Variants in HMBOX1 observed in about 807,000 individuals in gnomAD.
HMBOX1 encodes the protein homeobox-containing protein 1.
A neutral mutation model predicts 54.5 loss-of-function variants in HMBOX1; 14 were observed. The observed-to-expected ratio is 0.26, with a 90% CI of 0.17 to 0.40. The LOEUF is 0.40. Among genes scored for constraint, HMBOX1 ranks in the 10% least tolerant of loss-of-function variants. HMBOX1 has a pLI of 1.00. For synonymous variants in HMBOX1, 160 were observed against 181.0 expected, an observed-to-expected ratio of 0.88 and a Z score of 0.93; for missense variants, 332 against 514.4, an observed-to-expected ratio of 0.65 and a Z score of 3.43.
In HMBOX1 at chr8:28,981,095, C is replaced by T. The variant is rs149134325; in HGVS notation, c.586+939C>T. On this transcript the variant is annotated intron_variant, in intron 4 of 9. Transcript: ENST00000287701. ...TATTTCTGTTCTCCAGACCATGATA[C>T]ATACTGAAGCTAATTTACCTAAAAG... Among the ~76,000 whole-genome samples the T allele has an allele frequency of 2.6e-5, 4 of 152,270 alleles. No individual in the cohort carries two copies. In the East Asian group the frequency reaches 7.7e-4, roughly 29 times the overall value.
In HMBOX1 at chr8:28,941,287, T is replaced by C. The variant is rs73556611; in HGVS notation, c.-57-22524T>C. Among the ~76,000 whole-genome samples the C allele has an allele frequency of 2.4e-3, 363 of 152,310 alleles. 2 individuals carry two copies. The highest frequency in any genetic ancestry group is 8.2e-3 in the African/African-American group (341 of 41,570). ...GAAAACATCAGTTAGATAAATTGAA[T>C]TGAAATAAATACTTTATTGTATTTT... On this transcript the variant is annotated intron_variant, in intron 1 of 9. Transcript: ENST00000287701.
intron 1 of HMBOX1, among the ~76,000 whole-genome samples, chr8:28,950,158 T>TA (rs1293514325): frequency 6.6e-6 from 1 of 152,226 alleles, no homozygotes; most frequent in Non-Finnish European, 1.5e-5. Flanking sequence ...ACCCAGGAGA[T>TA]ATGGCATTGC....
intron 4 of HMBOX1, among the ~76,000 whole-genome samples, chr8:29,005,471 A>G (rs1033026214): frequency 3.3e-5 from 5 of 152,182 alleles, no homozygotes; most frequent in East Asian, 1.9e-4. Context: ...TCATAAAAAT[A>G]TATCTTTTCA....
intron 6 of HMBOX1, 27 bp from the exon 7 acceptor site, chr8:29,045,334 T>C: frequency 6.3e-7 from 1 of 1,576,530 alleles, no homozygotes; most frequent in Non-Finnish European, 8.7e-7. Context: ...AATAAAAACT[T>C]TGTGTCTGTA....
chr8:29,021,808 C>T (rs1454071873), intron 6 of HMBOX1, among the ~76,000 whole-genome samples: 1 of 146,826 alleles, frequency 6.8e-6, no homozygotes, highest in East Asian at 2.0e-4. Context: ...TGCGGTGAGC[C>T]GAGATCGTGC....
intron 1 of HMBOX1, among the ~76,000 whole-genome samples, chr8:28,952,348 C>G (rs1823610206): frequency 6.6e-6 from 1 of 152,094 alleles, no homozygotes; most frequent in South Asian, 2.1e-4. Flanking sequence ...ATCCTCCTGC[C>G]TCAGCCTCCC....
At chr8:28,932,657 C>T (rs752030149) in intron 1 of HMBOX1, among the ~76,000 whole-genome samples, 1 of 152,214 alleles carries the variant, frequency 6.6e-6, no homozygotes, top group African/African-American at 2.4e-5. Flanking sequence ...TATTTGTAGA[C>T]TGACTAACCA....
At chr8:28,895,473 G>A (rs988055491) in intron 1 of HMBOX1, among the ~76,000 whole-genome samples, 2 of 152,148 alleles carry the variant, frequency 1.3e-5, no homozygotes, top group Non-Finnish European at 2.9e-5. Flanking sequence ...TCAGGAATTC[G>A]AGACCAGTCT....
At chr8:28,983,283 C>T (rs1033369754) in intron 4 of HMBOX1, among the ~76,000 whole-genome samples, 3 of 152,146 alleles carry the variant, frequency 2.0e-5, no homozygotes, top group African/African-American at 7.2e-5. Context: ...CTGACTCCAG[C>T]CTTTTCGTTT....
rs368968561 is a variant in HMBOX1 at position 28,908,921 on chromosome 8, G to T, written c.-58+18243G>T. Among the ~76,000 whole-genome samples, 9 of 152,058 alleles carry T rather than the reference G, an allele frequency of 5.9e-5. No individual in the cohort carries two copies. The South Asian group carries it at 1.9e-3, about 32-fold the overall frequency. Reference sequence around the variant, plus strand: ...CCAACCAGCCTGGGCCTCATAGTGAGATTCCATCTCTACAAAAAATTTTTA... The same window carrying T: ...CCAACCAGCCTGGGCCTCATAGTGATATTCCATCTCTACAAAAAATTTTTA... On this transcript the variant is annotated intron_variant, in intron 1 of 9. Coordinates refer to ENST00000287701, the MANE Select transcript of HMBOX1 (RefSeq NM_001135726.3).
intron 1 of HMBOX1, among the ~76,000 whole-genome samples, chr8:28,941,080 A>C (rs376042709): frequency 2.6e-5 from 4 of 152,160 alleles, no homozygotes; most frequent in East Asian, 3.8e-4. Context: ...CCTTGTGAAA[A>C]GCATGTAAAG....
rs1200724744 is a variant in HMBOX1, at chr8:28,915,191, T to A, written c.-58+24513T>A. 2.4e-4 allele frequency among the ~76,000 whole-genome samples: 36 copies of A among 152,178 alleles called. 1 individual carries two copies. Among genetic ancestry groups the A allele is most frequent in the Admixed American group, 2.4e-3 (36 of 15,276 alleles). On this transcript the variant is annotated intron_variant, in intron 1 of 9. Coordinates refer to ENST00000287701, the MANE Select transcript of HMBOX1 (RefSeq NM_001135726.3). Reference sequence around the variant, plus strand: ...AATAGGAATATAATGCCTATTACATTTTAAAATTTAAATATTCTAGTTACT... The same window carrying A: ...AATAGGAATATAATGCCTATTACATATTAAAATTTAAATATTCTAGTTACT...
Position 29,051,461 on chromosome 8 carries a change from C to T in HMBOX1, c.*306C>T. 1 of 691,436 alleles carries T rather than the reference C, an allele frequency of 1.4e-6. No homozygotes were observed. The highest frequency in any genetic ancestry group is 2.7e-6 in the Non-Finnish European group (1 of 375,716). 42.8% of individuals were successfully genotyped at this position (691,436 alleles called of 1,614,324 possible). On this transcript the variant is annotated 3_prime_UTR_variant, in exon 10 of 10. Coordinates refer to ENST00000287701, the MANE Select transcript of HMBOX1 (RefSeq NM_001135726.3). ...AAAGTGCTTCCAGGTATTTAGATAGCCCTCAGTTCTCAAATATTAGACTAC... is the reference window on the plus strand; with the variant it reads ...AAAGTGCTTCCAGGTATTTAGATAGTCCTCAGTTCTCAAATATTAGACTAC...
rs532374117 is a variant in HMBOX1 at position 28,969,250 on chromosome 8, T to C, written c.24-793T>C. Among the ~76,000 whole-genome samples the C allele has an allele frequency of 1.1e-4, 17 of 152,330 alleles. No individual in the cohort carries two copies. The South Asian group carries it at 3.1e-3, about 28-fold the overall frequency. On this transcript the variant is annotated intron_variant, in intron 2 of 9. Coordinates refer to ENST00000287701, the MANE Select transcript of HMBOX1 (RefSeq NM_001135726.3). Reference sequence around the variant, plus strand: ...ATAGTATTTGACTACTCCCTTAATATTGTTACTCACCCTAAGAAAACATTT... The same window carrying C: ...ATAGTATTTGACTACTCCCTTAATACTGTTACTCACCCTAAGAAAACATTT...
chr8:28,973,804 T>TTTTTTTTTTTTG (rs1827864429), intron 3 of HMBOX1, among the ~76,000 whole-genome samples: 1 of 6,046 alleles, frequency 1.7e-4, no homozygotes. Flanking sequence ...CATAATGGAG[T>TTTTTTTTTTTTG]TTTTTTTTTT....
intron 1 of HMBOX1, among the ~76,000 whole-genome samples, chr8:28,895,188 A>G (rs1053142553): frequency 6.6e-6 from 1 of 152,228 alleles, no homozygotes; most frequent in Non-Finnish European, 1.5e-5. Context: ...TCTTATGTCC[A>G]GAGATGGTCC....
chr8:28,963,983 CGTTT>C, intron 2 of HMBOX1, 93 bp downstream of exon 2: 1 of 990,014 alleles, frequency 1.0e-6, no homozygotes, highest in South Asian at 1.5e-5. Flanking sequence ...TGACAACAGA[CGTTT>C]GTAGAGTTGA....
chr8:28,986,498 C>T, intron 4 of HMBOX1, among the ~76,000 whole-genome samples: 1 of 152,196 alleles, frequency 6.6e-6, no homozygotes, highest in Admixed American at 6.5e-5. Flanking sequence ...TTATGAATTC[C>T]TACCTAATGG....
chr8:28,995,681 T>C (rs1422670581), intron 4 of HMBOX1, among the ~76,000 whole-genome samples: 1 of 152,238 alleles, frequency 6.6e-6, no homozygotes, highest in Non-Finnish European at 1.5e-5. Context: ...TGAAGTGGTA[T>C]GTGTCTCATT....
Sources: gnomAD v4.1 joint callset for allele counts (sites outside exome capture counted in the v4.1 genomes callset) on GRCh38, gnomAD v4.1.1 for gene constraint, MANE v1.5 for transcripts, NCBI Gene and HGNC (gene_info 2026-07-23, HGNC 2026-07-21) for gene names.